NCAM1: variants seen among roughly 807,000 people sequenced by gnomAD.
NCAM1 encodes antigen recognized by monoclonal antibody 5.1H11.
A neutral mutation model predicts 109.8 loss-of-function variants in NCAM1; 14 were observed. The ratio of observed to expected loss-of-function variants is 0.13; its 90% confidence interval spans 0.08 to 0.20. The LOEUF is 0.20. NCAM1 is among the 10% of genes least tolerant of loss of function. The pLI, the probability that NCAM1 is intolerant of heterozygous loss-of-function variation, is 1.00. For synonymous variants in NCAM1, 418 were observed against 442.9 expected, an observed-to-expected ratio of 0.94 and a Z score of 0.70; for missense variants, 774 against 1,109.9, an observed-to-expected ratio of 0.70 and a Z score of 4.30.
intron 14 of NCAM1, chr11:113,242,707 C>A: frequency 9.7e-7 from 1 of 1,028,890 alleles, no homozygotes; most frequent in Non-Finnish European, 1.5e-6. Context: ...ATAATATATA[C>A]TCACCCATGT....
In NCAM1 at chr11:113,047,186, A is replaced by AT. The variant is rs551887968; in HGVS notation, c.52+85523dup. Among the ~76,000 whole-genome samples the AT allele has an allele frequency of 7.9e-5, 12 of 152,314 alleles. No individual in the cohort carries two copies. In the South Asian group the frequency reaches 2.5e-3, roughly 32 times the overall value. ...ATTGTGCCACATTTTTTTCTGAATAATAACAGATGAGCAAAGTAAATCCTA... is the reference window on the plus strand; with the variant it reads ...ATTGTGCCACATTTTTTTCTGAATAATTAACAGATGAGCAAAGTAAATCCTA... On this transcript the variant is annotated intron_variant, in intron 1 of 19. Transcript: ENST00000316851.
intron 1 of NCAM1, among the ~76,000 whole-genome samples, chr11:113,153,569 A>C (rs1942311980): frequency 6.6e-6 from 1 of 152,134 alleles, no homozygotes. Context: ...ACTTTTAAGA[A>C]TATGAATGAA....
At chr11:113,122,820 G>A (rs1941024495) in intron 1 of NCAM1, among the ~76,000 whole-genome samples, 2 of 152,142 alleles carry the variant, frequency 1.3e-5, no homozygotes, top group African/African-American at 4.8e-5. Flanking sequence ...ACTCAGGGTT[G>A]TCTAGTTTAA....
intron 1 of NCAM1, among the ~76,000 whole-genome samples, chr11:113,002,647 A>G (rs1246958944): frequency 6.6e-6 from 1 of 152,094 alleles, no homozygotes; most frequent in Non-Finnish European, 1.5e-5. Context: ...CCCCTCAGAT[A>G]TTGGGATCAG....
rs185400485 is a variant in NCAM1, at chr11:113,214,503, G to A, written c.1051G>A (p.Glu351Lys). Reference sequence around the variant, plus strand: ...GACTTCTACCCGGAACATCAGCAGCGAAGAAAAGGTATCATGCTCCCCAGG... The same window carrying A: ...GACTTCTACCCGGAACATCAGCAGCAAAGAAAAGGTATCATGCTCCCCAGG... The part of the protein sequence containing the change: ...WRTSTRNISS[E>K]EKASWTRPEK... The change falls in exon 8 of 20, where the codon GAA becomes AAA. Residue 351 changes from glutamate to lysine, a missense_variant. Glu to Lys is a moderately conservative substitution (Grantham distance 56). Coordinates refer to ENST00000316851, the MANE Select transcript of NCAM1 (RefSeq NM_181351.5). 18 of 1,606,856 alleles carry A rather than the reference G, an allele frequency of 1.1e-5. No individual in the cohort carries two copies. The highest frequency in any genetic ancestry group is 1.7e-4 in the Middle Eastern group (1 of 6,052).
intron 9 of NCAM1, among the ~76,000 whole-genome samples, chr11:113,222,349 A>G (rs782289408): frequency 6.6e-6 from 1 of 152,238 alleles, no homozygotes; most frequent in Non-Finnish European, 1.5e-5. Flanking sequence ...AAGGCTATAC[A>G]TATTTATATG....
chr11:113,202,216 C>G, intron 1 of NCAM1, 163 bp from the exon 2 acceptor site: 1 of 723,026 alleles, frequency 1.4e-6, no homozygotes, highest in Non-Finnish European at 2.2e-6. Flanking sequence ...TCTCAAACTC[C>G]ACACAACCTC....
At chr11:113,212,721 AC>A (rs1288673713) in intron 7 of NCAM1, among the ~76,000 whole-genome samples, 3 of 151,960 alleles carry the variant, frequency 2.0e-5, no homozygotes, top group Non-Finnish European at 4.4e-5. Flanking sequence ...TATTTTATTA[AC>A]CTTTTTGTTT....
At chr11:113,138,623 A>G (rs1941702009) in intron 1 of NCAM1, among the ~76,000 whole-genome samples, 1 of 152,200 alleles carries the variant, frequency 6.6e-6, no homozygotes, top group African/African-American at 2.4e-5. Context: ...CTCTTTTTAC[A>G]ATACTTCCTT....
intron 1 of NCAM1, among the ~76,000 whole-genome samples, chr11:113,044,436 G>A (rs1953190768): frequency 6.6e-6 from 1 of 152,100 alleles, no homozygotes; most frequent in Non-Finnish European, 1.5e-5. Flanking sequence ...TGCAATCCCA[G>A]CACTTTGGGA....
chr11:113,125,174 G>A (rs942300700), intron 1 of NCAM1, among the ~76,000 whole-genome samples: 53 of 152,162 alleles, frequency 3.5e-4, no homozygotes, highest in Non-Finnish European at 6.6e-4. Context: ...TTGATGAATG[G>A]ATGGCTTTGC....
chr11:113,203,281 G>A (rs1555112234), intron 2 of NCAM1, among the ~76,000 whole-genome samples: 1 of 152,182 alleles, frequency 6.6e-6, no homozygotes, highest in African/African-American at 2.4e-5. Context: ...CGTCGGATGT[G>A]TTCACTCCAG....
intron 1 of NCAM1, among the ~76,000 whole-genome samples, chr11:113,028,936 A>G (rs1270057701): frequency 6.6e-6 from 1 of 152,186 alleles, no homozygotes; most frequent in African/African-American, 2.4e-5. Context: ...TAGCAAAAAT[A>G]TTTCTTCAGA....
chr11:113,054,987 G>A (rs564363985), intron 1 of NCAM1, among the ~76,000 whole-genome samples: 1 of 152,260 alleles, frequency 6.6e-6, no homozygotes, highest in East Asian at 1.9e-4. Flanking sequence ...AGAATGGCAG[G>A]CCCCTCACAA....
intron 15 of NCAM1, among the ~76,000 whole-genome samples, chr11:113,253,710 C>T (rs625087): frequency 0.3 from 45,359 of 151,938 alleles, 7,223 homozygotes; most frequent in African/African-American, 0.41. Flanking sequence ...ACACAGTCCT[C>T]GACTAGTGGG....
At chr11:113,162,126 T>TG (rs1399015785) in intron 1 of NCAM1, among the ~76,000 whole-genome samples, 1 of 152,136 alleles carries the variant, frequency 6.6e-6, no homozygotes. Flanking sequence ...TGTAGTTCCT[T>TG]GGGGGGAGGA....
At chr11:113,165,786 T>C (rs1942773283) in intron 1 of NCAM1, among the ~76,000 whole-genome samples, 1 of 151,222 alleles carries the variant, frequency 6.6e-6, no homozygotes, top group Non-Finnish European at 1.5e-5. Context: ...CTGGTCCGGT[T>C]TCTCTTGCTC....
chr11:113,165,585 T>TC lies in NCAM1; in HGVS notation c.53-36789dup, dbSNP rs35962218. ...AGCTGGGATCTATATAGCCTTTGCT[T>TC]CCCCCACCCCCGATGGGACCATTAT... On this transcript the variant is annotated intron_variant, in intron 1 of 19. Transcript: ENST00000316851. Among the ~76,000 whole-genome samples the TC allele has an allele frequency of 3.0e-4, 46 of 152,128 alleles. No individual in the cohort carries two copies. In the South Asian group the frequency reaches 5.4e-3, roughly 18 times the overall value.
intron 1 of NCAM1, among the ~76,000 whole-genome samples, chr11:113,135,555 G>A (rs1941567406): frequency 6.6e-6 from 1 of 152,190 alleles, no homozygotes; most frequent in South Asian, 2.1e-4. Context: ...TTGCTCCTTA[G>A]ATAGGCCCCC....
Sources: gnomAD v4.1 joint callset for allele counts (sites outside exome capture counted in the v4.1 genomes callset) on GRCh38, gnomAD v4.1.1 for gene constraint, MANE v1.5 for transcripts, NCBI Gene and HGNC (gene_info 2026-07-23, HGNC 2026-07-21) for gene names.